Variants in IL1RN observed in about 807,000 individuals in gnomAD.
IL1RN encodes interleukin-1 receptor antagonist protein.
In IL1RN, 10 loss-of-function variants were observed where a neutral mutation model predicts 13.7. The observed-to-expected ratio is 0.73, with a 90% CI of 0.45 to 1.24. The LOEUF (loss-of-function observed/expected upper bound fraction) is 1.24, where lower values mean the gene tolerates loss of function less well. IL1RN is among the 50% of genes most tolerant of loss of function. IL1RN has a pLI of 0.00. For synonymous variants in IL1RN, 102 were observed against 82.7 expected, an observed-to-expected ratio of 1.23 and a Z score of -1.27; for missense variants, 213 against 222.1, an observed-to-expected ratio of 0.96 and a Z score of 0.26.
At chr2:113,105,745 G>A (rs887530324), upstream of IL1RN, among the ~76,000 whole-genome samples, 2 of 152,178 alleles carry the variant, frequency 1.3e-5, no homozygotes, top group African/African-American at 4.8e-5. Flanking sequence ...GTCTATAAAT[G>A]TAGCATTATT....
chr2:113,119,936 G>A, intron 1 of IL1RN: 3 of 766,678 alleles, frequency 3.9e-6, no homozygotes, highest in Non-Finnish European at 6.9e-6. Context: ...AACTGGAAGG[G>A]TGAGAACAGA....
At chr2:113,111,751 A>C (rs537147602) in intron 1 of IL1RN, among the ~76,000 whole-genome samples, 3 of 152,388 alleles carry the variant, frequency 2.0e-5, no homozygotes, top group African/African-American at 7.2e-5. Flanking sequence ...GGACCCAGCC[A>C]TTAAATGCCT....
chr2:113,099,920 G>C, the IL1RN span, among the ~76,000 whole-genome samples: 1 of 143,138 alleles, frequency 7.0e-6, no homozygotes, highest in African/African-American at 2.5e-5. Context: ...ATTTTTAGTA[G>C]AGACGGGGTT....
upstream of IL1RN, among the ~76,000 whole-genome samples, chr2:113,108,435 G>C (rs992705127): frequency 6.9e-6 from 1 of 145,082 alleles, no homozygotes; most frequent in East Asian, 2.0e-4. Flanking sequence ...ACAGTCCCCA[G>C]TGTGCGATGT....
upstream of IL1RN, among the ~76,000 whole-genome samples, chr2:113,103,246 T>C (rs1302258655): frequency 6.6e-6 from 1 of 152,160 alleles, no homozygotes; most frequent in African/African-American, 2.4e-5. Flanking sequence ...AGAAGTGCAG[T>C]AGGTAGTATT....
chr2:113,115,308 T>C (rs1686571180), upstream of IL1RN, among the ~76,000 whole-genome samples: 1 of 152,078 alleles, frequency 6.6e-6, no homozygotes, highest in Admixed American at 6.5e-5. Context: ...TGCTTGTGTG[T>C]GGTCTAGATT....
chr2:113,107,731 A>AAAACCAAACCAAACC (rs779447893), upstream of IL1RN, among the ~76,000 whole-genome samples: 2 of 152,150 alleles, frequency 1.3e-5, no homozygotes, highest in Non-Finnish European at 2.9e-5. Context: ...AGACTGCCTC[A>AAAACCAAACCAAACC]AAACCAAACC....
Position 113,132,876 on chromosome 2 carries a change from GC to G in IL1RN, c.*8del, listed in dbSNP as rs1340075049. On this transcript the variant is annotated 3_prime_UTR_variant, in exon 4 of 4. Coordinates refer to ENST00000409930, the MANE Select transcript of IL1RN (RefSeq NM_173842.3). Reference sequence around the variant, plus strand: ...TACTTCCAGGAGGACGAGTAGTACTGCCCAGGCCTGCCTGTTCCCATTCTTG... The same window carrying G: ...TACTTCCAGGAGGACGAGTAGTACTGCCAGGCCTGCCTGTTCCCATTCTTG... The G allele has an allele frequency of 6.2e-7, 1 of 1,612,716 alleles. No individual in the cohort carries two copies. Among genetic ancestry groups the G allele is most frequent in the African/African-American group, 1.3e-5 (1 of 74,902 alleles).
upstream of IL1RN, among the ~76,000 whole-genome samples, chr2:113,125,256 G>A (rs911784948): frequency 1.3e-5 from 2 of 152,170 alleles, no homozygotes; most frequent in African/African-American, 2.4e-5. Flanking sequence ...AATTTTAAAC[G>A]CTAATATTCA....
upstream of IL1RN, chr2:113,115,758 G>C (rs1355997024): frequency 6.6e-6 from 1 of 152,224 alleles, no homozygotes; most frequent in Non-Finnish European, 1.5e-5. Flanking sequence ...TGAGAGGAGA[G>C]GGAGACAGGC....
intron 1 of IL1RN, 72 bp downstream of exon 1, chr2:113,127,812 G>A (rs1442573238): frequency 4.0e-6 from 6 of 1,501,876 alleles, no homozygotes; most frequent in Non-Finnish European, 5.5e-6. Context: ...CAGCTGCCAG[G>A]GGCTGCCAGG....
upstream of IL1RN, chr2:113,113,184 T>C (rs932847197): frequency 1.3e-5 from 2 of 152,178 alleles, no homozygotes; most frequent in Admixed American, 1.3e-4. Context: ...TGTCAACTGG[T>C]GGATGAATGG....
At position 113,121,010 on chromosome 2, in the gene IL1RN, TCCTCCTTCTCC is replaced by T. The variant is rs1686755730; in HGVS notation, c.73+883_73+893del. ...CTCCCCCTTCTCCTCTTCTTCTTCC[TCCTCCTTCTCC>T]TCTTCTTCTTCTTCTTCTTCTTCCT... On this transcript the variant is annotated intron_variant, in intron 2 of 5. Coordinates refer to the IL1RN transcript ENST00000259206. Among the ~76,000 whole-genome samples, 12 of 145,988 alleles carry T rather than the reference TCCTCCTTCTCC, an allele frequency of 8.2e-5. No individual in the cohort carries two copies. The South Asian group carries it at 2.6e-3, about 32-fold the overall frequency.
At chr2:113,099,804 G>A in the IL1RN span, among the ~76,000 whole-genome samples, 13 of 127,630 alleles carry the variant, frequency 1.0e-4, no homozygotes, top group South Asian at 5.1e-4. Context: ...GCGGGATCTC[G>A]GCTCACTGCA....
At chr2:113,131,244 C>T (rs1190278725) in intron 3 of IL1RN, 87 bp downstream of exon 3, 3 of 813,446 alleles carry the variant, frequency 3.7e-6, no homozygotes, top group Non-Finnish European at 6.5e-6. Context: ...TGTGGGTTGA[C>T]CAGGATTAGC....
rs747206860 is a variant in IL1RN at position 113,127,703 on chromosome 2, C to T, written c.79C>T (p.Pro27Ser). The change falls in exon 1 of 4, where the codon CCC becomes TCC. Residue 27 changes from proline to serine, a missense_variant. Pro to Ser is a moderately conservative substitution (Grantham distance 74). Transcript: ENST00000409930. The stretch of plus-strand genomic sequence containing the variant: ...GTTCCATTCAGAGACGATCTGCCGA[C>T]CCTCTGGGAGAAAATCCAGCAAGAT... ...FLFHSETICRPSGRKSSKMQA... is the reference protein window; with the variant it reads ...FLFHSETICRSSGRKSSKMQA... The T allele has an allele frequency of 2.7e-5, 43 of 1,613,956 alleles. No homozygotes were observed. Among genetic ancestry groups the T allele is most frequent in the Non-Finnish European group, 3.6e-5 (42 of 1,180,016 alleles).
the IL1RN span, among the ~76,000 whole-genome samples, chr2:113,102,042 C>T: frequency 6.6e-6 from 1 of 152,218 alleles, no homozygotes; most frequent in Non-Finnish European, 1.5e-5. Flanking sequence ...GCTGGGATTA[C>T]AGGTGTGAGC....
At chr2:113,116,591 AG>A (rs1412467763), upstream of IL1RN, among the ~76,000 whole-genome samples, 2 of 151,198 alleles carry the variant, frequency 1.3e-5, no homozygotes, top group African/African-American at 4.8e-5. Context: ...GAATGAGTCC[AG>A]GTCTGCAGGG....
rs575385135 is a variant in IL1RN at position 113,132,045 on chromosome 2, G to A, written c.319-611G>A. Among the ~76,000 whole-genome samples, 11 of 152,360 alleles carry A rather than the reference G, an allele frequency of 7.2e-5. No homozygotes were observed. The East Asian group carries it at 1.9e-3, about 27-fold the overall frequency. On this transcript the variant is annotated intron_variant, in intron 3 of 3. Coordinates refer to ENST00000409930, the MANE Select transcript of IL1RN (RefSeq NM_173842.3). ...AGCTCCACAGGCCTTGGCTTCTGCT[G>A]ATGGTGCCGTGTATTTACCAGACTT...
Sources: gnomAD v4.1 joint callset for allele counts (sites outside exome capture counted in the v4.1 genomes callset) on GRCh38, gnomAD v4.1.1 for gene constraint, MANE v1.5 for transcripts, NCBI Gene and HGNC (gene_info 2026-07-23, HGNC 2026-07-21) for gene names.